The following CASK variants were observed in gnomAD, a reference collection of about 807,000 sequenced individuals.
CASK encodes peripheral plasma membrane protein CASK.
CASK carries 4 observed loss-of-function variants against 82.9 expected under a neutral mutation model. The ratio of observed to expected loss-of-function variants is 0.05; its 90% CI spans 0.02 to 0.11. CASK has a LOEUF of 0.11. Among genes scored for constraint, CASK ranks in the 10% least tolerant of loss-of-function variants. CASK has a pLI of 1.00. For missense variants in CASK, 358 were observed against 720.9 expected, an observed-to-expected ratio of 0.50 and a Z score of 5.76; for synonymous variants, 259 against 253.5, an observed-to-expected ratio of 1.02 and a Z score of -0.20.
At chrX:41,821,807 C>T (rs751436400) in intron 2 of CASK, among the ~76,000 whole-genome samples, 1 of 112,169 alleles carries the variant, frequency 8.9e-6, no homozygotes, top group Non-Finnish European at 1.9e-5. Flanking sequence ...AACTCAGCTG[C>T]CATGCTATGA....
intron 15 of CASK, among the ~76,000 whole-genome samples, chrX:41,576,185 C>G (rs767932529): frequency 5.5e-5 from 6 of 109,469 alleles, no homozygotes; most frequent in Non-Finnish European, 1.1e-4. Context: ...ATATTGGCCA[C>G]GCTGGTCTCG....
At chrX:41,680,259 G>T (rs910632425) in intron 5 of CASK, among the ~76,000 whole-genome samples, 1 of 108,771 alleles carries the variant, frequency 9.2e-6, no homozygotes, top group African/African-American at 3.4e-5. Flanking sequence ...CGAGGTGGGC[G>T]GATCAAGAGG....
intron 8 of CASK, among the ~76,000 whole-genome samples, chrX:41,650,269 T>C (rs2066843451): frequency 9.0e-6 from 1 of 111,530 alleles, no homozygotes; most frequent in African/African-American, 3.3e-5. Flanking sequence ...GTTAATATTG[T>C]TATGTGTGAA....
At chrX:41,605,145 T>C (rs2065941097) in intron 12 of CASK, among the ~76,000 whole-genome samples, 1 of 112,229 alleles carries the variant, frequency 8.9e-6, no homozygotes, top group Non-Finnish European at 1.9e-5. Context: ...CTTAAAATTA[T>C]GGCTTCATAC....
intron 12 of CASK, among the ~76,000 whole-genome samples, chrX:41,596,630 T>A (rs1476673844): frequency 1.8e-5 from 2 of 112,149 alleles, no homozygotes; most frequent in African/African-American, 6.5e-5. Context: ...ACTCTCTTTT[T>A]CTAATGAAAT....
intron 1 of CASK, among the ~76,000 whole-genome samples, chrX:41,870,397 T>A (rs1476992165): frequency 1.8e-5 from 2 of 111,845 alleles, no homozygotes; most frequent in Non-Finnish European, 3.8e-5. Context: ...ATGATGAAAG[T>A]AAACTTAAGA....
At chrX:41,579,080 T>C (rs1355901585) in intron 14 of CASK, among the ~76,000 whole-genome samples, 3 of 111,884 alleles carry the variant, frequency 2.7e-5, no homozygotes, top group Non-Finnish European at 5.6e-5. Context: ...GTTGGCAAAT[T>C]TGTGCTGGGG....
At chrX:41,656,134 G>A (rs1316539950) in intron 8 of CASK, among the ~76,000 whole-genome samples, 1 of 111,890 alleles carries the variant, frequency 8.9e-6, no homozygotes, top group Non-Finnish European at 1.9e-5. Context: ...TCAAATGAGT[G>A]GATAAACGGG....
intron 3 of CASK, chrX:41,748,682 C>T (rs1162480060): frequency 1.6e-5 from 2 of 122,729 alleles, no homozygotes; most frequent in African/African-American, 6.5e-5. Context: ...GGGAGATGTT[C>T]TGAGAGCTAG....
chrX:41,813,126 T>C (rs1313950751), intron 2 of CASK, among the ~76,000 whole-genome samples: 121 of 111,537 alleles, frequency 1.1e-3, no homozygotes, highest in Non-Finnish European at 2.1e-3. Flanking sequence ...TCCATGCTCA[T>C]GGATAGGAAG....
chrX:41,807,058 A>C (rs2147872402), intron 2 of CASK, among the ~76,000 whole-genome samples: 2 of 112,051 alleles, frequency 1.8e-5, no homozygotes, highest in East Asian at 5.6e-4. Context: ...CTGGTGGCTA[A>C]ACTGAAAAGA....
At chrX:41,606,667 T>C (rs2065968716) in intron 12 of CASK, among the ~76,000 whole-genome samples, 1 of 111,018 alleles carries the variant, frequency 9.0e-6, no homozygotes, top group Non-Finnish European at 1.9e-5. Context: ...GTATGGCACC[T>C]GTTTACAAAA....
In CASK at chrX:41,689,325, T is replaced by C. The variant is rs1054612255; in HGVS notation, c.430-17795A>G. 2.7e-5 allele frequency among the ~76,000 whole-genome samples: 3 copies of C among 112,158 alleles called. No homozygotes were observed. In the Admixed American group the frequency reaches 2.9e-4, roughly 11 times the overall value. On this transcript the variant is annotated intron_variant, in intron 5 of 26. Coordinates refer to ENST00000378163, the MANE Select transcript of CASK (RefSeq NM_001367721.1). Reference sequence around the variant, plus strand: ...ACATTCAAGGTATTTAAGCTCCTACTGTCAATATAGTCACATTGTTGATAC... The same window carrying C: ...ACATTCAAGGTATTTAAGCTCCTACCGTCAATATAGTCACATTGTTGATAC...
Position 41,616,770 on chromosome X carries a change from G to A in CASK, c.1033+5847C>T, listed in dbSNP as rs777098644. On this transcript the variant is annotated intron_variant, in intron 11 of 26. Transcript: ENST00000378163. ...TTACAGGCACACACCACCACACCCA[G>A]CTAATTTTTTGTGTTTTTAGTAGAG... Among the ~76,000 whole-genome samples, 3 of 111,086 alleles carry A rather than the reference G, an allele frequency of 2.7e-5. No homozygotes were observed. In the South Asian group the frequency reaches 1.1e-3, roughly 43 times the overall value.
At chrX:41,677,426 GT>G (rs2147511374) in intron 5 of CASK, among the ~76,000 whole-genome samples, 1 of 111,999 alleles carries the variant, frequency 8.9e-6, no homozygotes, top group Admixed American at 9.5e-5. Flanking sequence ...AGGAAAATCA[GT>G]TTGGTATCCG....
intron 8 of CASK, among the ~76,000 whole-genome samples, chrX:41,643,029 C>G (rs755044058): frequency 4.5e-5 from 5 of 111,746 alleles, no homozygotes; most frequent in Admixed American, 2.9e-4. Flanking sequence ...GCTTGTTTTT[C>G]TCAGGTTTGT....
intron 5 of CASK, among the ~76,000 whole-genome samples, chrX:41,733,083 G>A (rs1341314772): frequency 6.6e-5 from 7 of 106,785 alleles, no homozygotes; most frequent in Non-Finnish European, 1.2e-4. Context: ...GGCTGAGGCA[G>A]GAGAATTGCT....
intron 3 of CASK, among the ~76,000 whole-genome samples, chrX:41,779,976 A>G (rs73472533): frequency 0.012 from 1,395 of 112,161 alleles, 17 homozygotes; most frequent in African/African-American, 0.043. Flanking sequence ...ATTAAAGATA[A>G]AAAATTTAAA....
At chrX:41,570,671 C>T (rs2065399621) in intron 15 of CASK, among the ~76,000 whole-genome samples, 1 of 112,160 alleles carries the variant, frequency 8.9e-6, no homozygotes, top group South Asian at 3.7e-4. Context: ...TTTGTTTGCA[C>T]TGTACATAAA....
Sources: allele counts gnomAD v4.1 joint callset (sites outside exome capture counted in the v4.1 genomes callset), GRCh38; gene constraint gnomAD v4.1.1; transcripts MANE v1.5; gene names NCBI Gene and HGNC (gene_info 2026-07-23, HGNC 2026-07-21).